Variants in ZFAND3 observed in about 807,000 individuals in gnomAD.
ZFAND3 encodes the protein AN1-type zinc finger protein 3.
In ZFAND3, 10 loss-of-function variants were observed where a neutral mutation model predicts 29.6. The observed-to-expected ratio is 0.34, with a 90% CI of 0.21 to 0.57. ZFAND3 has a LOEUF of 0.57. ZFAND3 is among the 20% of genes least tolerant of loss of function. The probability of loss-of-function intolerance (pLI) is 0.86; values close to 1 mark genes in which losing one functional copy is unlikely to be tolerated. For missense variants in ZFAND3, 230 were observed against 304.5 expected (o/e 0.76, Z 1.82); for synonymous variants, 128 against 112.6 (o/e 1.14, Z -0.87).
intron 1 of ZFAND3, among the ~76,000 whole-genome samples, chr6:37,914,672 C>CTTTTTTCTTTT (rs1554157842): frequency 3.5e-5 from 4 of 114,208 alleles, no homozygotes; most frequent in African/African-American, 1.4e-4. Flanking sequence ...CTTTTTTTTT[C>CTTTTTTCTTTT]TTTTTTTTTT....
chr6:38,087,836 A>G (rs981987170), intron 4 of ZFAND3, among the ~76,000 whole-genome samples: 7 of 152,244 alleles, frequency 4.6e-5, no homozygotes, highest in African/African-American at 1.4e-4. Flanking sequence ...TGCTGGGTAC[A>G]TAGCCAAAAT....
At chr6:38,127,848 G>A (rs543040586) in intron 5 of ZFAND3, among the ~76,000 whole-genome samples, 72 of 152,280 alleles carry the variant, frequency 4.7e-4, no homozygotes, top group African/African-American at 1.6e-3. Context: ...ACCCCTCATG[G>A]CAGTGCCTGC....
At chr6:37,833,957 C>G (rs145021668) in intron 1 of ZFAND3, among the ~76,000 whole-genome samples, 2 of 151,982 alleles carry the variant, frequency 1.3e-5, no homozygotes. Flanking sequence ...CCCCTACTAT[C>G]GACATCTCAC....
intron 2 of ZFAND3, among the ~76,000 whole-genome samples, chr6:37,952,872 A>G (rs1762021867): frequency 6.7e-6 from 1 of 148,250 alleles, no homozygotes; most frequent in South Asian, 2.1e-4. Flanking sequence ...TCTTCTGCAG[A>G]TCTGCTTGGA....
rs765822349 is a variant in ZFAND3, at chr6:38,152,276, G to T, written c.571G>T (p.Asp191Tyr). The part of the protein sequence containing the change: ...CMLHRLPEQH[D>Y]CTFDHMGRGR... The stretch of plus-strand genomic sequence containing the variant: ...GTTACATCGCCTCCCCGAGCAGCAC[G>T]ACTGCACATTCGACCACATGGGCCG... The change falls in exon 6 of 6, where the codon GAC (aspartate) becomes TAC (tyrosine). Residue 191 changes from aspartate to tyrosine, a missense_variant. Transcript: ENST00000287218. 1 of 1,600,948 alleles carries T rather than the reference G, an allele frequency of 6.2e-7. No homozygotes were observed. Among genetic ancestry groups the T allele is most frequent in the Non-Finnish European group, 8.5e-7 (1 of 1,174,268 alleles).
intron 1 of ZFAND3, among the ~76,000 whole-genome samples, chr6:37,870,319 A>AAAAG (rs1561917162): frequency 3.4e-5 from 5 of 145,434 alleles, no homozygotes; most frequent in East Asian, 2.1e-4. Context: ...AAAAAAAAAA[A>AAAAG]GGGCGGGCAC....
chr6:37,860,637 GTT>G (rs58902274), intron 1 of ZFAND3, among the ~76,000 whole-genome samples: 67 of 97,208 alleles, frequency 6.9e-4, no homozygotes, highest in East Asian at 3.6e-3. Context: ...TATTCACTTA[GTT>G]TTTTTTTTTT....
intron 5 of ZFAND3, among the ~76,000 whole-genome samples, chr6:38,144,184 A>ATATATAT (rs66561715): frequency 2.4e-5 from 1 of 42,544 alleles, no homozygotes; most frequent in Non-Finnish European, 4.9e-5. Flanking sequence ...ATATATATAT[A>ATATATAT]ATATATATAT....
chr6:37,918,241 A>G (rs998490831), intron 1 of ZFAND3, among the ~76,000 whole-genome samples: 1 of 151,828 alleles, frequency 6.6e-6, no homozygotes, highest in Non-Finnish European at 1.5e-5. Context: ...CACGCTGGCT[A>G]ATTTTTTGTA....
Position 38,153,404 on chromosome 6 carries a change from G to A in ZFAND3, c.*1015G>A, listed in dbSNP as rs540781336. 6.1e-6 allele frequency: 6 copies of A among 985,466 alleles called. No homozygotes were observed. Among genetic ancestry groups the A allele is most frequent in the East Asian group, 1.1e-4 (1 of 8,818 alleles). 61.0% of individuals were successfully genotyped at this position (985,466 alleles called of 1,614,324 possible). ...CTCCAGGGGCCAAGAGGATGATGTC[G>A]TGGCCTCCATTCTCGTTTCTATGCA... On this transcript the variant is annotated 3_prime_UTR_variant, in exon 6 of 6. Coordinates refer to ENST00000287218, the MANE Select transcript of ZFAND3 (RefSeq NM_021943.3).
At chr6:38,126,982 A>G (rs776465493) in intron 5 of ZFAND3, among the ~76,000 whole-genome samples, 20 of 151,870 alleles carry the variant, frequency 1.3e-4, no homozygotes, top group South Asian at 6.2e-4. Flanking sequence ...TGAATACTGC[A>G]GCTTTGCTAA....
intron 1 of ZFAND3, among the ~76,000 whole-genome samples, chr6:37,823,338 C>G (rs1443183953): frequency 6.6e-6 from 1 of 152,186 alleles, no homozygotes; most frequent in Non-Finnish European, 1.5e-5. Flanking sequence ...CTTGGAAGCT[C>G]TAGGTCTAAA....
At chr6:37,962,327 T>C (rs9470736) in intron 2 of ZFAND3, among the ~76,000 whole-genome samples, 4,520 of 152,096 alleles carry the variant, frequency 0.03, 175 homozygotes, top group African/African-American at 0.086. Context: ...AAAGTAACAA[T>C]GAAGCATGCC....
chr6:37,961,564 C>G (rs1762196130), intron 2 of ZFAND3, among the ~76,000 whole-genome samples: 1 of 152,228 alleles, frequency 6.6e-6, no homozygotes, highest in South Asian at 2.1e-4. Context: ...CAGTGCTATG[C>G]TGGCTTCAGG....
chr6:38,137,866 A>G (rs1765872087), intron 5 of ZFAND3, among the ~76,000 whole-genome samples: 1 of 152,222 alleles, frequency 6.6e-6, no homozygotes, highest in South Asian at 2.1e-4. Flanking sequence ...CAGCCCGGCC[A>G]GAGCACAGTG....
At chr6:38,041,999 C>CT (rs1278979512) in intron 2 of ZFAND3, among the ~76,000 whole-genome samples, 10 of 147,956 alleles carry the variant, frequency 6.8e-5, no homozygotes, top group Non-Finnish European at 9.0e-5. Flanking sequence ...CCACACACGG[C>CT]TTTTTTTTGG....
At chr6:38,045,196 T>C (rs923664329) in intron 2 of ZFAND3, among the ~76,000 whole-genome samples, 1 of 151,806 alleles carries the variant, frequency 6.6e-6, no homozygotes, top group Admixed American at 6.6e-5. Context: ...TAAGCAGTCC[T>C]CCTGCTTCAG....
intron 1 of ZFAND3, among the ~76,000 whole-genome samples, chr6:37,860,924 A>G (rs1299143079): frequency 6.6e-6 from 1 of 152,140 alleles, no homozygotes; most frequent in Non-Finnish European, 1.5e-5. Context: ...TCTGTACCAT[A>G]TGCCAGTGAA....
intron 2 of ZFAND3, among the ~76,000 whole-genome samples, chr6:38,035,557 A>G (rs1445097798): frequency 1.3e-5 from 2 of 152,210 alleles, no homozygotes; most frequent in Non-Finnish European, 2.9e-5. Flanking sequence ...CACTGACGAA[A>G]TAGTAAACTT....
Sources: gnomAD v4.1 joint callset for allele counts (sites outside exome capture counted in the v4.1 genomes callset) on GRCh38, gnomAD v4.1.1 for gene constraint, MANE v1.5 for transcripts, NCBI Gene and HGNC (gene_info 2026-07-23, HGNC 2026-07-21) for gene names.